Variants in GPC5 observed in about 807,000 individuals in gnomAD.
GPC5 encodes glypican 5, also known as glypican-5.
GPC5 carries 47 observed loss-of-function variants against 53.9 expected under a neutral mutation model. The ratio of observed to expected loss-of-function variants is 0.87; its 90% confidence interval spans 0.69 to 1.11. The LOEUF (loss-of-function observed/expected upper bound fraction) is 1.11. GPC5 is among the 50% of genes most tolerant of loss of function. GPC5 has a pLI of 0.00. For synonymous variants in GPC5, 286 were observed against 263.3 expected, an observed-to-expected ratio of 1.09 and a Z score of -0.84; for missense variants, 748 against 713.1, an observed-to-expected ratio of 1.05 and a Z score of -0.56.
chr13:92,384,728 T>C lies in GPC5; in HGVS notation c.1561+239739T>C, dbSNP rs1236932770. Reference sequence around the variant, plus strand: ...GTACCAAATGAATAGCAGCAGGAAGTGTGAGAAATTTAGAGAGAGAGCAGC... The same window carrying C: ...GTACCAAATGAATAGCAGCAGGAAGCGTGAGAAATTTAGAGAGAGAGCAGC... On this transcript the variant is annotated intron_variant, in intron 7 of 7. Coordinates refer to ENST00000377067, the MANE Select transcript of GPC5 (RefSeq NM_004466.6). 5.3e-5 allele frequency among the ~76,000 whole-genome samples: 8 copies of C among 152,220 alleles called. No homozygotes were observed. In the East Asian group the frequency reaches 1.5e-3, roughly 29 times the overall value.
At chr13:92,005,781 A>T (rs2040601085) in intron 6 of GPC5, among the ~76,000 whole-genome samples, 1 of 152,132 alleles carries the variant, frequency 6.6e-6, no homozygotes, top group Admixed American at 6.6e-5. Context: ...CTGCATATGG[A>T]TATCCAGTTT....
rs915898653 is a variant in GPC5, at chr13:92,723,647, TC to T, written c.1562-142631del. On this transcript the variant is annotated intron_variant, in intron 7 of 7. Transcript: ENST00000377067. ...AGTAAAAAGTCTCCATATTTATTTT[TC>T]CCCAACTTCAACTCAGTCAGGATGC... 7.3e-5 allele frequency among the ~76,000 whole-genome samples: 11 copies of T among 151,654 alleles called. No homozygotes were observed. The Admixed American group carries it at 7.3e-4, about 10-fold the overall frequency.
intron 7 of GPC5, among the ~76,000 whole-genome samples, chr13:92,588,307 C>A (rs1290805555): frequency 6.6e-6 from 1 of 152,150 alleles, no homozygotes; most frequent in Non-Finnish European, 1.5e-5. Context: ...TACCACATTT[C>A]CTTTATCCAG....
In GPC5 at chr13:91,693,263, C is replaced by T. The variant is rs1224532480; in HGVS notation, c.402C>T (p.Ala134=). ...TTTGCAGTACCTACAGGAACATGGCCTTGGAGGCTGCTGCTTCGGTTCAGG... is the reference window on the plus strand; with the variant it reads ...TTTGCAGTACCTACAGGAACATGGCTTTGGAGGCTGCTGCTTCGGTTCAGG... ...ILFCSTYRNM[A]LEAAASVQEF... The change falls in exon 3 of 8, where the codon GCC becomes GCT. Residue 134 remains alanine, a synonymous_variant. Transcript: ENST00000377067. 1 of 1,614,082 alleles carries T rather than the reference C, an allele frequency of 6.2e-7. No individual in the cohort carries two copies. The highest frequency in any genetic ancestry group is 1.7e-5 in the Admixed American group (1 of 60,018).
At chr13:92,203,725 AT>A (rs1033066337) in intron 7 of GPC5, among the ~76,000 whole-genome samples, 2 of 148,346 alleles carry the variant, frequency 1.3e-5, no homozygotes, top group Non-Finnish European at 3.0e-5. Flanking sequence ...CCATCCAGTC[AT>A]TTGACTTTAA....
At chr13:91,551,615 G>A (rs2030644216) in intron 2 of GPC5, among the ~76,000 whole-genome samples, 2 of 152,076 alleles carry the variant, frequency 1.3e-5, no homozygotes, top group East Asian at 1.9e-4. Flanking sequence ...AAAATGTATT[G>A]TACAATGGGG....
At chr13:92,324,971 A>G (rs1206753497) in intron 7 of GPC5, among the ~76,000 whole-genome samples, 5 of 151,980 alleles carry the variant, frequency 3.3e-5, no homozygotes, top group African/African-American at 1.2e-4. Flanking sequence ...GAGCATGATT[A>G]CATCATTTAA....
rs912538810 is a variant in GPC5, at chr13:91,885,461, G to A, written c.1281-22476G>A. On this transcript the variant is annotated intron_variant, in intron 5 of 7. Coordinates refer to ENST00000377067, the MANE Select transcript of GPC5 (RefSeq NM_004466.6). ...CCCCTCCCCGACTAGAATCTGGTTG[G>A]TGCTTTTGCTGTTCATCATTCAGTG... 3.3e-5 allele frequency among the ~76,000 whole-genome samples: 5 copies of A among 152,136 alleles called. No homozygotes were observed. In the East Asian group the frequency reaches 9.6e-4, roughly 29 times the overall value.
At chr13:92,244,498 C>T (rs2042636070) in intron 7 of GPC5, among the ~76,000 whole-genome samples, 1 of 152,034 alleles carries the variant, frequency 6.6e-6, no homozygotes, top group South Asian at 2.1e-4. Context: ...CCTAACATTC[C>T]AGTAAATTTC....
Position 91,448,885 on chromosome 13 carries a change from A to C in GPC5, c.288A>C (p.Leu96Phe). Residue 96 changes from leucine to phenylalanine, a missense_variant, in exon 2 of 8, where the codon TTA (leucine) becomes TTC (phenylalanine). By Grantham distance (22) the Leu-to-Phe change is conservative. Coordinates refer to ENST00000377067, the MANE Select transcript of GPC5 (RefSeq NM_004466.6). Reference protein sequence around the residue: ...QQFLQTSSSTLKFLISRNAAA... With the variant: ...QQFLQTSSSTFKFLISRNAAA... The stretch of plus-strand genomic sequence containing the variant: ...TTCTTCAAACGTCCAGCTCTACATT[A>C]AAGTTTCTAATATCTCGAAATGCGG... 6.2e-7 allele frequency: 1 copy of C among 1,613,522 alleles called. No individual in the cohort carries two copies. The highest frequency in any genetic ancestry group is 8.5e-7 in the Non-Finnish European group (1 of 1,179,674).
At chr13:92,226,889 C>T (rs1246836734) in intron 7 of GPC5, among the ~76,000 whole-genome samples, 2 of 151,970 alleles carry the variant, frequency 1.3e-5, no homozygotes, top group Non-Finnish European at 2.9e-5. Context: ...CGTGAGCCAC[C>T]GTACCTGGCT....
At chr13:92,361,272 T>A (rs2043564207) in intron 7 of GPC5, among the ~76,000 whole-genome samples, 1 of 151,682 alleles carries the variant, frequency 6.6e-6, no homozygotes, top group African/African-American at 2.4e-5. Flanking sequence ...TGGGTCGGGT[T>A]GGGGGGACCT....
chr13:92,637,641 C>G (rs181341275), intron 7 of GPC5, among the ~76,000 whole-genome samples: 1 of 152,266 alleles, frequency 6.6e-6, no homozygotes, highest in East Asian at 1.9e-4. Flanking sequence ...CAAATTATTC[C>G]TAAGTAACTT....
intron 2 of GPC5, among the ~76,000 whole-genome samples, chr13:91,507,092 T>C (rs1884983616): frequency 6.6e-6 from 1 of 152,106 alleles, no homozygotes; most frequent in Non-Finnish European, 1.5e-5. Flanking sequence ...TATAAGAGAA[T>C]ACCATAGACT....
At chr13:92,658,317 A>G (rs926366698) in intron 7 of GPC5, among the ~76,000 whole-genome samples, 1 of 152,322 alleles carries the variant, frequency 6.6e-6, no homozygotes, top group Non-Finnish European at 1.5e-5. Context: ...AATCATTATG[A>G]AGCGCAAGAC....
chr13:92,438,382 AAATATAT>A (rs869204319), intron 7 of GPC5, among the ~76,000 whole-genome samples: 2 of 18,086 alleles, frequency 1.1e-4, no homozygotes, highest in Admixed American at 8.3e-4. Context: ...AAAGCAAAAT[AAATATAT>A]ATATATATAT....
intron 7 of GPC5, among the ~76,000 whole-genome samples, chr13:92,801,488 T>C (rs1337730431): frequency 1.3e-5 from 2 of 151,850 alleles, no homozygotes. Flanking sequence ...TAAATGACTA[T>C]ATTACTGATT....
At chr13:91,835,583 AG>A (rs1169245207) in intron 5 of GPC5, among the ~76,000 whole-genome samples, 1 of 152,180 alleles carries the variant, frequency 6.6e-6, no homozygotes, top group East Asian at 1.9e-4. Context: ...TGTCCTTTGC[AG>A]GGACGTGCAT....
chr13:92,846,689 C>T (rs1285445839), intron 7 of GPC5, among the ~76,000 whole-genome samples: 1 of 152,280 alleles, frequency 6.6e-6, no homozygotes, highest in Non-Finnish European at 1.5e-5. Flanking sequence ...TGTGTTCCAT[C>T]TGGTGGTAAG....
Sources: allele counts gnomAD v4.1 joint callset (sites outside exome capture counted in the v4.1 genomes callset), GRCh38; gene constraint gnomAD v4.1.1; transcripts MANE v1.5; gene names NCBI Gene and HGNC (gene_info 2026-07-23, HGNC 2026-07-21).